Variants in SPATS2 observed in about 807,000 individuals in gnomAD.
The protein encoded by SPATS2 is spermatogenesis-associated serine-rich protein 2.
SPATS2 carries 38 observed loss-of-function variants against 63.7 expected under a neutral mutation model. That is an observed-to-expected ratio of 0.60 (90% CI 0.46 to 0.78). The LOEUF is 0.78. SPATS2 is among the 30% of genes least tolerant of loss of function. The pLI, the probability that SPATS2 is intolerant of heterozygous loss-of-function variation, is 0.00. For missense variants in SPATS2, 588 were observed against 666.2 expected (o/e 0.88, Z 1.29); for synonymous variants, 207 against 232.9 (o/e 0.89, Z 1.01).
At chr12:49,384,242 G>A (rs913052063) in intron 2 of SPATS2, among the ~76,000 whole-genome samples, 19 of 152,000 alleles carry the variant, frequency 1.3e-4, no homozygotes, top group Admixed American at 1.0e-3. Flanking sequence ...CTGGGATTAC[G>A]GCATGAGCCA....
At chr12:49,496,267 GTTGTTTGTTTGT>G (rs569456511) in intron 7 of SPATS2, among the ~76,000 whole-genome samples, 3 of 151,900 alleles carry the variant, frequency 2.0e-5, no homozygotes, top group Admixed American at 6.6e-5. Flanking sequence ...CTAGAGCGTT[GTTGTTTGTTTGT>G]TTGTTTGTTT....
chr12:49,431,247 A>G (rs1163818147), intron 2 of SPATS2, among the ~76,000 whole-genome samples: 1 of 151,730 alleles, frequency 6.6e-6, no homozygotes, highest in African/African-American at 2.4e-5. Flanking sequence ...ATATATAAAG[A>G]ACTTTTTTTT....
At chr12:49,436,311 G>A (rs560500700) in intron 2 of SPATS2, among the ~76,000 whole-genome samples, 35 of 147,112 alleles carry the variant, frequency 2.4e-4, no homozygotes, top group Non-Finnish European at 4.9e-4. Flanking sequence ...GCGGCTGGCC[G>A]GGCAGAGGGG....
chr12:49,376,330 T>C (rs1229018079), intron 2 of SPATS2, among the ~76,000 whole-genome samples: 1 of 151,896 alleles, frequency 6.6e-6, no homozygotes, highest in Non-Finnish European at 1.5e-5. Context: ...CTTGAACTCC[T>C]GACCTCAGGT....
intron 2 of SPATS2, among the ~76,000 whole-genome samples, chr12:49,376,092 ATTTT>A (rs749954777): frequency 1.2e-5 from 1 of 81,078 alleles, no homozygotes; most frequent in Non-Finnish European, 2.2e-5. Flanking sequence ...ACCTGGCCTG[ATTTT>A]TTTTTTTTTT....
chr12:49,482,511 C>T (rs1376906862), intron 3 of SPATS2, among the ~76,000 whole-genome samples: 1 of 152,184 alleles, frequency 6.6e-6, no homozygotes, highest in African/African-American at 2.4e-5. Context: ...TCTCAAGTAG[C>T]AGTGCACATT....
Position 49,424,403 on chromosome 12 carries a change from C to T in SPATS2, c.-243-36367C>T, listed in dbSNP as rs1201590853. Among the ~76,000 whole-genome samples the T allele has an allele frequency of 3.9e-5, 6 of 151,962 alleles. No individual in the cohort carries two copies. The East Asian group carries it at 1.2e-3, about 29-fold the overall frequency. On this transcript the variant is annotated intron_variant, in intron 2 of 13. Coordinates refer to ENST00000552918, the MANE Select transcript of SPATS2 (RefSeq NM_023071.4). ...GATTAATGAGAATAGCTAATGTGGC[C>T]CCAGAGGCATATGCTTTTAAGCACA...
Position 49,496,402 on chromosome 12 carries a change from T to C in SPATS2, c.527-431T>C, listed in dbSNP as rs147666172. 4.7e-4 allele frequency among the ~76,000 whole-genome samples: 71 copies of C among 152,322 alleles called. No homozygotes were observed. In the South Asian group the frequency reaches 0.012, roughly 26 times the overall value. ...ACCTGGGATTACTGGCGTGAGCCAC[T>C]ATGCCTGGCCCCTAAAGCTTTTTAA... is the stretch of plus-strand genomic sequence containing the variant. On this transcript the variant is annotated intron_variant, in intron 7 of 13. Transcript: ENST00000552918.
intron 2 of SPATS2, among the ~76,000 whole-genome samples, chr12:49,381,784 A>G (rs999651330): frequency 3.9e-5 from 6 of 152,192 alleles, no homozygotes; most frequent in Admixed American, 6.5e-5. Context: ...GGGTGTTCAA[A>G]AGAAGATAGA....
chr12:49,514,512 A>T (rs1024789725), intron 9 of SPATS2, 43 bp from the exon 10 acceptor site: 1 of 1,583,218 alleles, frequency 6.3e-7, no homozygotes, highest in African/African-American at 1.3e-5. Context: ...TTTGTATTTG[A>T]GTTTCTGATC....
At chr12:49,415,081 C>G (rs1944866193) in intron 2 of SPATS2, among the ~76,000 whole-genome samples, 1 of 151,680 alleles carries the variant, frequency 6.6e-6, no homozygotes. Flanking sequence ...AGGCACGTGC[C>G]ACCACGCCCA....
At chr12:49,484,505 C>G (rs1031103372) in intron 3 of SPATS2, 85 bp from the exon 4 acceptor site, 3 of 1,325,878 alleles carry the variant, frequency 2.3e-6, no homozygotes, top group South Asian at 1.4e-5. Flanking sequence ...TTTTATGGGA[C>G]GAAAGCAGCC....
At position 49,527,406 on chromosome 12, in the gene SPATS2, C is replaced by T. The variant is rs1359029069; in HGVS notation, c.*1151C>T. The T allele has an allele frequency of 6.8e-5, 10 of 147,720 alleles. No homozygotes were observed. The highest frequency in any genetic ancestry group is 6.6e-4 in the Admixed American group (10 of 15,066). 9.2% of individuals were successfully genotyped at this position (147,720 alleles called of 1,614,324 possible). ...GTCTTTACAGTTGAATAAATAAAAA[C>T]AACTGCATAAATATGCCCACTTTTG... is the stretch of plus-strand genomic sequence containing the variant. On this transcript the variant is annotated 3_prime_UTR_variant, in exon 14 of 14. Coordinates refer to ENST00000552918, the MANE Select transcript of SPATS2 (RefSeq NM_023071.4).
intron 2 of SPATS2, chr12:49,406,450 A>G (rs977868192): frequency 5.4e-5 from 8 of 149,156 alleles, no homozygotes; most frequent in African/African-American, 1.5e-4. Context: ...ATACCTGACT[A>G]ATTTTTTTTT....
chr12:49,522,643 A>G, intron 11 of SPATS2, 108 bp from the exon 12 acceptor site: 1 of 832,820 alleles, frequency 1.2e-6, no homozygotes, highest in South Asian at 1.8e-5. Flanking sequence ...ATAAACTTTG[A>G]AGCAATAAAA....
chr12:49,410,400 C>T (rs1325605140), intron 2 of SPATS2, among the ~76,000 whole-genome samples: 1 of 152,098 alleles, frequency 6.6e-6, no homozygotes, highest in Non-Finnish European at 1.5e-5. Context: ...TTGATGGCTG[C>T]ACACCATGTA....
chr12:49,398,127 C>A (rs1471322823), intron 2 of SPATS2, among the ~76,000 whole-genome samples: 1 of 119,148 alleles, frequency 8.4e-6, no homozygotes, highest in Non-Finnish European at 1.6e-5. Context: ...CAGAGGGAGA[C>A]CCTGTCTCAA....
At chr12:49,432,708 A>C (rs1945206647) in intron 2 of SPATS2, among the ~76,000 whole-genome samples, 2 of 152,348 alleles carry the variant, frequency 1.3e-5, no homozygotes, top group South Asian at 4.1e-4. Context: ...TGTTTCAATT[A>C]GTGCATTGTC....
intron 9 of SPATS2, among the ~76,000 whole-genome samples, chr12:49,501,388 AACCC>A (rs910669907): frequency 6.6e-6 from 1 of 152,146 alleles, no homozygotes; most frequent in Admixed American, 6.6e-5. Flanking sequence ...TTTTCTAATG[AACCC>A]ACTCTCTCAA....
Sources: gnomAD v4.1 joint callset for allele counts (sites outside exome capture counted in the v4.1 genomes callset) on GRCh38, gnomAD v4.1.1 for gene constraint, MANE v1.5 for transcripts, NCBI Gene and HGNC (gene_info 2026-07-23, HGNC 2026-07-21) for gene names.